CERS6: variants seen among roughly 807,000 people sequenced by gnomAD.
The protein encoded by CERS6 is LAG1 homolog, ceramide synthase 6.
In CERS6, 26 loss-of-function variants were observed where a neutral mutation model predicts 56.8. The observed-to-expected ratio is 0.46, with a 90% CI of 0.34 to 0.63. The LOEUF (loss-of-function observed/expected upper bound fraction) is 0.63. CERS6 is among the 30% of genes least tolerant of loss of function. The pLI is 0.01. For synonymous variants in CERS6, 164 were observed against 173.3 expected (o/e 0.95, Z 0.42); for missense variants, 415 against 467.5 (o/e 0.89, Z 1.04).
chr2:168,543,004 C>T (rs529450277), intron 1 of CERS6, among the ~76,000 whole-genome samples: 1 of 152,254 alleles, frequency 6.6e-6, no homozygotes, highest in East Asian at 1.9e-4. Context: ...GCCCATTTTA[C>T]GTTTTGACTA....
intron 8 of CERS6, among the ~76,000 whole-genome samples, chr2:168,760,827 C>T (rs1684558972): frequency 6.6e-6 from 1 of 152,042 alleles, no homozygotes; most frequent in African/African-American, 2.4e-5. Flanking sequence ...GCGATCTCGG[C>T]TCACTGCAAG....
At chr2:168,750,263 TATC>T (rs1684223597) in intron 8 of CERS6, among the ~76,000 whole-genome samples, 1 of 152,222 alleles carries the variant, frequency 6.6e-6, no homozygotes. Flanking sequence ...GGCTGTATGT[TATC>T]ATTCTCATGT....
chr2:168,524,062 A>G (rs1003678244), intron 1 of CERS6, among the ~76,000 whole-genome samples: 3 of 152,096 alleles, frequency 2.0e-5, no homozygotes, highest in East Asian at 1.9e-4. Context: ...TTCATGTTCA[A>G]CTCATTCAAG....
intron 1 of CERS6, among the ~76,000 whole-genome samples, chr2:168,529,203 G>A (rs1166163997): frequency 6.6e-6 from 1 of 152,190 alleles, no homozygotes; most frequent in Non-Finnish European, 1.5e-5. Flanking sequence ...GGATTCTACT[G>A]TCATTGTCTC....
In CERS6 at chr2:168,769,645, T is replaced by C. The variant is rs1224728670; in HGVS notation, c.1138T>C (p.Cys380Arg). 2.5e-6 allele frequency: 4 copies of C among 1,610,696 alleles called. No homozygotes were observed. Among genetic ancestry groups the C allele is most frequent in the African/African-American group, 2.7e-5 (2 of 74,778 alleles). ...CAACGGGTATCTCCTGACTGGCTCCTGCTCCATGGATGATTAATTACTCAA... is the reference window on the plus strand; with the variant it reads ...CAACGGGTATCTCCTGACTGGCTCCCGCTCCATGGATGATTAATTACTCAA... ...GTNGYLLTGS[C>R]SMDD Residue 380 changes from cysteine to arginine, a missense_variant, in exon 10 of 10, where the codon TGC becomes CGC. Physicochemically the swap from Cys to Arg is radical, Grantham distance 180. Coordinates refer to ENST00000305747, the MANE Select transcript of CERS6 (RefSeq NM_203463.3).
At chr2:168,593,180 C>T (rs1345206366) in intron 3 of CERS6, among the ~76,000 whole-genome samples, 2 of 152,174 alleles carry the variant, frequency 1.3e-5, no homozygotes, top group African/African-American at 4.8e-5. Flanking sequence ...ACATTGGGTT[C>T]ACCCGAAACA....
At chr2:168,610,135 G>T (rs996367981) in intron 3 of CERS6, among the ~76,000 whole-genome samples, 1 of 151,768 alleles carries the variant, frequency 6.6e-6, no homozygotes, top group Non-Finnish European at 1.5e-5. Flanking sequence ...CCACCACCAC[G>T]CCTGGTTAAT....
intron 8 of CERS6, among the ~76,000 whole-genome samples, chr2:168,723,425 CA>C (rs1308773101): frequency 3.3e-5 from 5 of 152,064 alleles, no homozygotes; most frequent in Admixed American, 1.3e-4. Flanking sequence ...ATTCAAAAAA[CA>C]AAAAAATCCA....
At chr2:168,722,280 G>A (rs1683203538) in intron 8 of CERS6, among the ~76,000 whole-genome samples, 1 of 152,142 alleles carries the variant, frequency 6.6e-6, no homozygotes, top group African/African-American at 2.4e-5. Context: ...AAGCATAAAA[G>A]CGTTTAGATT....
rs77811965 is a variant in CERS6 at position 168,659,130 on chromosome 2, G to A, written c.465+28088G>A. 1.6e-3 allele frequency among the ~76,000 whole-genome samples: 248 copies of A among 152,294 alleles called. 2 individuals are homozygous for A. Among genetic ancestry groups the A allele is most frequent in the African/African-American group, 5.1e-3 (212 of 41,570 alleles). ...GACATTATAAATTTTCTTCTTTACAGTTGACCACTAGAAAGCTAATAATCA... is the reference window on the plus strand; with the variant it reads ...GACATTATAAATTTTCTTCTTTACAATTGACCACTAGAAAGCTAATAATCA... On this transcript the variant is annotated intron_variant, in intron 4 of 9. Transcript: ENST00000305747.
chr2:168,709,126 T>C (rs1157843560), intron 6 of CERS6, among the ~76,000 whole-genome samples: 1 of 152,102 alleles, frequency 6.6e-6, no homozygotes, highest in Non-Finnish European at 1.5e-5. Context: ...TATTTTATTG[T>C]ACATAAAATT....
intron 1 of CERS6, among the ~76,000 whole-genome samples, chr2:168,520,628 G>C (rs1448553533): frequency 5.5e-5 from 2 of 36,626 alleles, no homozygotes; most frequent in African/African-American, 1.2e-4. Flanking sequence ...TTTTTTTTTT[G>C]AGAAGCAGTT....
chr2:168,483,701 GA>G (rs774658904), intron 1 of CERS6, among the ~76,000 whole-genome samples: 2 of 152,212 alleles, frequency 1.3e-5, no homozygotes, highest in Non-Finnish European at 2.9e-5. Context: ...AATCCCTGGG[GA>G]TTGAAGTAAC....
In CERS6 at chr2:168,700,904, C is replaced by T. The variant is rs550638025; in HGVS notation, c.609+5853C>T. ...TAAGGCACTCCAGATACTGCCAGTTCTTCACCCTCAGGCACACCAGGATTG... is the reference window on the plus strand; with the variant it reads ...TAAGGCACTCCAGATACTGCCAGTTTTTCACCCTCAGGCACACCAGGATTG... On this transcript the variant is annotated intron_variant, in intron 6 of 9. Coordinates refer to ENST00000305747, the MANE Select transcript of CERS6 (RefSeq NM_203463.3). Among the ~76,000 whole-genome samples the T allele has an allele frequency of 1.1e-4, 17 of 152,314 alleles. No individual in the cohort carries two copies. The East Asian group carries it at 1.4e-3, about 12-fold the overall frequency.
chr2:168,472,197 C>T (rs539778502), intron 1 of CERS6, among the ~76,000 whole-genome samples: 1 of 152,266 alleles, frequency 6.6e-6, no homozygotes, highest in Non-Finnish European at 1.5e-5. Flanking sequence ...CTAAAGCAGA[C>T]TTTTTATTCT....
At chr2:168,480,044 A>G (rs1272674332) in intron 1 of CERS6, among the ~76,000 whole-genome samples, 3 of 152,172 alleles carry the variant, frequency 2.0e-5, no homozygotes, top group South Asian at 4.1e-4. Context: ...AATGGTGATC[A>G]TTTTTTCCTT....
intron 1 of CERS6, among the ~76,000 whole-genome samples, chr2:168,518,376 C>T (rs1394275308): frequency 2.0e-5 from 3 of 152,186 alleles, no homozygotes; most frequent in African/African-American, 7.2e-5. Context: ...CATTAAAGCA[C>T]TTCACCCAAG....
chr2:168,524,796 T>C (rs903600320), intron 1 of CERS6, among the ~76,000 whole-genome samples: 1 of 151,896 alleles, frequency 6.6e-6, no homozygotes, highest in Non-Finnish European at 1.5e-5. Flanking sequence ...AAAGGATTTA[T>C]TTCACACAGT....
intron 8 of CERS6, among the ~76,000 whole-genome samples, chr2:168,738,936 A>G (rs2105424248): frequency 6.6e-6 from 1 of 151,552 alleles, no homozygotes; most frequent in Non-Finnish European, 1.5e-5. Context: ...GCCAGGCTGG[A>G]GTGCAGCGGC....
Sources: gnomAD v4.1 joint callset for allele counts (sites outside exome capture counted in the v4.1 genomes callset) on GRCh38, gnomAD v4.1.1 for gene constraint, MANE v1.5 for transcripts, NCBI Gene and HGNC (gene_info 2026-07-23, HGNC 2026-07-21) for gene names.